MYOZ2: variants seen among roughly 807,000 people sequenced by gnomAD.
MYOZ2 encodes the protein myozenin-2.
In MYOZ2, 19 loss-of-function variants were observed where a neutral mutation model predicts 25.4. The ratio of observed to expected loss-of-function variants is 0.75; its 90% CI spans 0.52 to 1.10. The LOEUF (loss-of-function observed/expected upper bound fraction) is 1.10, where lower values mean the gene tolerates loss of function less well. Ranked by LOEUF, MYOZ2 falls within the 50% of genes least tolerant of loss-of-function variation. MYOZ2 has a pLI of 0.00. For synonymous variants in MYOZ2, 92 were observed against 106.9 expected (o/e 0.86, Z 0.86); for missense variants, 270 against 317.9 (o/e 0.85, Z 1.15).
chr4:119,154,936 GA>G (rs1298014948), intron 3 of MYOZ2, among the ~76,000 whole-genome samples: 2 of 151,428 alleles, frequency 1.3e-5, no homozygotes, highest in Non-Finnish European at 2.9e-5. Context: ...TAATAGCTGA[GA>G]CCAGGTACTT....
chr4:119,167,852 T>C (rs1216838488), intron 5 of MYOZ2, among the ~76,000 whole-genome samples: 1 of 152,236 alleles, frequency 6.6e-6, no homozygotes, highest in African/African-American at 2.4e-5. Context: ...ACTGAATATT[T>C]TAAGCCTACT....
chr4:119,168,710 C>CA (rs754534388), intron 5 of MYOZ2, among the ~76,000 whole-genome samples: 2 of 150,220 alleles, frequency 1.3e-5, no homozygotes, highest in Non-Finnish European at 2.9e-5. Flanking sequence ...ACAACAACAA[C>CA]AAAAAACCAC....
intron 2 of MYOZ2, among the ~76,000 whole-genome samples, chr4:119,138,940 T>C (rs960718902): frequency 2.6e-5 from 4 of 151,262 alleles, no homozygotes; most frequent in Non-Finnish European, 5.9e-5. Context: ...AAATGGGGAG[T>C]TTTACATCAG....
chr4:119,145,512 G>C (rs1362884169), intron 2 of MYOZ2, among the ~76,000 whole-genome samples: 3 of 59,726 alleles, frequency 5.0e-5, no homozygotes, highest in South Asian at 8.2e-4. Context: ...AAAACTGTGT[G>C]TGTGTGTGTG....
At chr4:119,162,152 A>G (rs1442501151) in intron 4 of MYOZ2, among the ~76,000 whole-genome samples, 1 of 152,158 alleles carries the variant, frequency 6.6e-6, no homozygotes, top group South Asian at 2.1e-4. Context: ...AAATTCGCAC[A>G]TGACAAGAAG....
At chr4:119,170,022 A>G (rs1741914657) in intron 5 of MYOZ2, among the ~76,000 whole-genome samples, 1 of 152,216 alleles carries the variant, frequency 6.6e-6, no homozygotes, top group African/African-American at 2.4e-5. Flanking sequence ...TACACATAAC[A>G]TAAAATGAAC....
At chr4:119,160,200 G>T (rs1741674160) in intron 4 of MYOZ2, among the ~76,000 whole-genome samples, 1 of 152,058 alleles carries the variant, frequency 6.6e-6, no homozygotes, top group Non-Finnish European at 1.5e-5. Flanking sequence ...CATATAATAA[G>T]CACTCAGTTA....
intron 5 of MYOZ2, among the ~76,000 whole-genome samples, chr4:119,175,703 G>C (rs995550797): frequency 2.6e-5 from 4 of 151,590 alleles, no homozygotes; most frequent in African/African-American, 9.7e-5. Context: ...TGTGAGTAGA[G>C]ATTGTCCCAC....
chr4:119,176,858 T>C (rs539680997), intron 5 of MYOZ2, among the ~76,000 whole-genome samples: 9 of 152,332 alleles, frequency 5.9e-5, no homozygotes, highest in African/African-American at 1.9e-4. Flanking sequence ...AGTATGGGAA[T>C]TATCTTGAGC....
intron 5 of MYOZ2, among the ~76,000 whole-genome samples, chr4:119,172,218 T>C (rs1205623066): frequency 6.6e-6 from 1 of 152,230 alleles, no homozygotes. Context: ...CAAAGGGTTC[T>C]CCTTGCCCCC....
chr4:119,162,086 C>T (rs779785229), intron 4 of MYOZ2, among the ~76,000 whole-genome samples: 1 of 151,946 alleles, frequency 6.6e-6, no homozygotes, highest in Admixed American at 6.6e-5. Context: ...ACTCTTTCCT[C>T]GGGGAGGTAG....
intron 2 of MYOZ2, among the ~76,000 whole-genome samples, chr4:119,150,002 A>C (rs1325149896): frequency 6.6e-6 from 1 of 152,186 alleles, no homozygotes. Context: ...CTTCCTATGC[A>C]TTTAACGGTA....
intron 5 of MYOZ2, among the ~76,000 whole-genome samples, chr4:119,165,179 A>T (rs1400589327): frequency 2.6e-5 from 4 of 151,210 alleles, no homozygotes; most frequent in Admixed American, 6.6e-5. Flanking sequence ...TTTTTTATTT[A>T]AAAAAAGAAT....
At chr4:119,174,668 C>T (rs1028680694) in intron 5 of MYOZ2, among the ~76,000 whole-genome samples, 2 of 152,096 alleles carry the variant, frequency 1.3e-5, no homozygotes, top group South Asian at 4.1e-4. Context: ...GACCACCGGG[C>T]TCTACCAATC....
At chr4:119,165,340 G>A (rs1191072412) in intron 5 of MYOZ2, among the ~76,000 whole-genome samples, 3 of 151,136 alleles carry the variant, frequency 2.0e-5, no homozygotes, top group African/African-American at 4.9e-5. Flanking sequence ...CAAGAACCCT[G>A]TCTCTACAAA....
At chr4:119,160,246 C>T (rs949452691) in intron 4 of MYOZ2, among the ~76,000 whole-genome samples, 1 of 152,022 alleles carries the variant, frequency 6.6e-6, no homozygotes, top group African/African-American at 2.4e-5. Flanking sequence ...TTACATCCTT[C>T]TTATGCAATA....
chr4:119,168,720 C>T (rs191080567), intron 5 of MYOZ2, among the ~76,000 whole-genome samples: 1 of 149,832 alleles, frequency 6.7e-6, no homozygotes, highest in East Asian at 1.9e-4. Context: ...CAAAAAACCA[C>T]CTGAGCAGAT....
intron 3 of MYOZ2, among the ~76,000 whole-genome samples, chr4:119,151,780 T>C (rs753967941): frequency 7.9e-5 from 12 of 152,084 alleles, no homozygotes; most frequent in Non-Finnish European, 1.6e-4. Context: ...TCGTCCTAAA[T>C]TTGAAAAGAT....
chr4:119,185,113 T>A (rs762400878), intron 5 of MYOZ2, among the ~76,000 whole-genome samples: 16 of 144,164 alleles, frequency 1.1e-4, no homozygotes, highest in Non-Finnish European at 2.1e-4. Flanking sequence ...TCCCTTCCCC[T>A]CCCCTCCCCT....
Sources: gnomAD v4.1 joint callset for allele counts (sites outside exome capture counted in the v4.1 genomes callset) on GRCh38, gnomAD v4.1.1 for gene constraint, MANE v1.5 for transcripts, NCBI Gene and HGNC (gene_info 2026-07-23, HGNC 2026-07-21) for gene names.